GRM3: variants seen among roughly 807,000 people sequenced by gnomAD.
The protein encoded by GRM3 is metabotropic glutamate receptor 3.
Under a neutral mutation model 70.5 loss-of-function variants are expected in GRM3, and 26 were observed. The ratio of observed to expected loss-of-function variants is 0.37; its 90% CI spans 0.27 to 0.51. GRM3 has a LOEUF of 0.51. GRM3 is among the 20% of genes least tolerant of loss of function. The probability of loss-of-function intolerance (pLI) is 0.93; values close to 1 mark genes in which losing one functional copy is unlikely to be tolerated. For missense variants in GRM3, 859 were observed against 1,123.8 expected (o/e 0.76, Z 3.37); for synonymous variants, 443 against 434.9 (o/e 1.02, Z -0.23).
At chr7:86,752,752 C>A (rs1584215684) in intron 1 of GRM3, among the ~76,000 whole-genome samples, 1 of 152,176 alleles carries the variant, frequency 6.6e-6, no homozygotes, top group Non-Finnish European at 1.5e-5. Context: ...AAGTCAGAAA[C>A]AACTTGGACA....
Position 86,779,715 on chromosome 7 carries a change from G to A in GRM3, c.469-6546G>A, listed in dbSNP as rs148290443. ...TCATTCTGAAGTCAGGCATTAGAAC[G>A]GTTCCTTAGAGAAGAAGCCCTTGAA... On this transcript the variant is annotated intron_variant, in intron 2 of 5. Transcript: ENST00000361669. 4.3e-3 allele frequency among the ~76,000 whole-genome samples: 662 copies of A among 152,242 alleles called. 3 individuals are homozygous for A. Among genetic ancestry groups the A allele is most frequent in the Non-Finnish European group, 7.1e-3 (486 of 68,006 alleles).
intron 1 of GRM3, among the ~76,000 whole-genome samples, chr7:86,725,069 T>G (rs1424555060): frequency 6.6e-6 from 1 of 152,124 alleles, no homozygotes; most frequent in East Asian, 1.9e-4. Flanking sequence ...TACCAGGGGA[T>G]GTATGCATTG....
chr7:86,726,135 A>G (rs894681686), intron 1 of GRM3, among the ~76,000 whole-genome samples: 3 of 152,170 alleles, frequency 2.0e-5, no homozygotes, highest in Non-Finnish European at 2.9e-5. Flanking sequence ...TTGGTCCTCC[A>G]GAGGTCACTC....
intron 3 of GRM3, among the ~76,000 whole-genome samples, chr7:86,790,627 A>G (rs117071751): frequency 5.7e-4 from 87 of 151,942 alleles, no homozygotes; most frequent in Non-Finnish European, 1.1e-3. Context: ...CTCTGCCCCT[A>G]CCTATCCTGA....
chr7:86,761,955 T>A (rs1229931706), intron 1 of GRM3, among the ~76,000 whole-genome samples: 1 of 152,176 alleles, frequency 6.6e-6, no homozygotes, highest in Non-Finnish European at 1.5e-5. Flanking sequence ...AGCCAAACTT[T>A]CTTTACATTC....
Position 86,644,506 on chromosome 7 carries a change from C to T in GRM3, c.-507C>T, listed in dbSNP as rs1329089208. On this transcript the variant is annotated 5_prime_UTR_variant, in exon 1 of 6. Transcript: ENST00000361669. ...GGACTCGGCTGGGAAGAGCTCCCCTCCCCTCCGCGGAAGACCACTGGGTCC... is the reference window on the plus strand; with the variant it reads ...GGACTCGGCTGGGAAGAGCTCCCCTTCCCTCCGCGGAAGACCACTGGGTCC... 1 of 358,558 alleles carries T rather than the reference C, an allele frequency of 2.8e-6. No individual in the cohort carries two copies. Among genetic ancestry groups the T allele is most frequent in the Non-Finnish European group, 5.5e-6 (1 of 181,680 alleles). 22.2% of individuals were successfully genotyped at this position (358,558 alleles called of 1,614,324 possible).
rs756681263 is a variant in GRM3 at position 86,786,971 on chromosome 7, G to A, written c.1179G>A (p.Val393=). The A allele has an allele frequency of 3.1e-6, 5 of 1,614,126 alleles. No individual in the cohort carries two copies. Among genetic ancestry groups the A allele is most frequent in the South Asian group, 1.1e-5 (1 of 91,086 alleles). Residue 393 remains valine, a synonymous_variant, in exon 3 of 6, where the codon GTG becomes GTA. Coordinates refer to ENST00000361669, the MANE Select transcript of GRM3 (RefSeq NM_000840.3). The surrounding 1 kb of genome is among the most constrained non-coding windows in gnomAD (Gnocchi z 6.0). ...NYEQESKIMF[V]VNAVYAMAHA... is the part of the protein sequence containing the mutation. ...AGCAAGAGTCCAAGATCATGTTTGT[G>A]GTGAACGCGGTGTATGCCATGGCCC...
At position 86,650,351 on chromosome 7, in the gene GRM3, AATTT is replaced by A. The variant is rs542597686; in HGVS notation, c.-141+5492_-141+5495del. Among the ~76,000 whole-genome samples the A allele has an allele frequency of 6.8e-3, 1,037 of 152,078 alleles. 16 individuals carry two copies. Among genetic ancestry groups the A allele is most frequent in the African/African-American group, 0.023 (973 of 41,520 alleles). Reference sequence around the variant, plus strand: ...TACCAATATTGCCTCACAATTTTTTAATTTATTTATTTATTTTAATTAATTTATT... The same window carrying A: ...TACCAATATTGCCTCACAATTTTTTAATTTATTTATTTTAATTAATTTATT... On this transcript the variant is annotated intron_variant, in intron 1 of 5. Transcript: ENST00000361669.
At chr7:86,791,301 GA>G (rs1234867842) in intron 3 of GRM3, among the ~76,000 whole-genome samples, 4 of 152,138 alleles carry the variant, frequency 2.6e-5, no homozygotes, top group African/African-American at 9.7e-5. Context: ...TGATTGCTTT[GA>G]AAAAATTTTA....
chr7:86,728,450 A>G (rs556409233), intron 1 of GRM3, among the ~76,000 whole-genome samples: 93 of 152,354 alleles, frequency 6.1e-4, no homozygotes, highest in African/African-American at 2.2e-3. Context: ...GACTGTCTTA[A>G]GAACTTAGGA....
At chr7:86,829,720 A>T (rs1798313377) in intron 3 of GRM3, among the ~76,000 whole-genome samples, 1 of 152,180 alleles carries the variant, frequency 6.6e-6, no homozygotes, top group South Asian at 2.1e-4. Flanking sequence ...GCACCTGAAA[A>T]CATTTATAAT....
chr7:86,725,842 C>T (rs991092915), intron 1 of GRM3, among the ~76,000 whole-genome samples: 3 of 152,082 alleles, frequency 2.0e-5, no homozygotes, highest in Non-Finnish European at 4.4e-5. Context: ...TGGTTATGTC[C>T]TCACATGGCA....
chr7:86,857,918 TTTTTATTTTATTTTATTTTATTTTA>T (rs375923210), intron 5 of GRM3, among the ~76,000 whole-genome samples: 2,414 of 142,676 alleles, frequency 0.017, 52 homozygotes, highest in East Asian at 0.09. Context: ...AGAGAGTAAA[TTTTTATTTTATTTTATTTTATTTTA>T]TTTTATTTTA....
At chr7:86,797,238 C>T (rs1043768846) in intron 3 of GRM3, among the ~76,000 whole-genome samples, 2 of 152,110 alleles carry the variant, frequency 1.3e-5, no homozygotes, top group Non-Finnish European at 2.9e-5. Context: ...CAGAAGAAGA[C>T]AGGAAAATGT....
intron 1 of GRM3, among the ~76,000 whole-genome samples, chr7:86,728,439 T>C (rs1213701486): frequency 6.6e-6 from 1 of 152,232 alleles, no homozygotes; most frequent in African/African-American, 2.4e-5. Context: ...TTAAAAAGCT[T>C]GACTGTCTTA....
chr7:86,707,191 C>T (rs1216345642), intron 1 of GRM3, among the ~76,000 whole-genome samples: 2 of 151,988 alleles, frequency 1.3e-5, no homozygotes. Context: ...ATAGTCCTCC[C>T]CTCTCTATGA....
At chr7:86,793,964 T>C (rs1797487718) in intron 3 of GRM3, among the ~76,000 whole-genome samples, 1 of 152,138 alleles carries the variant, frequency 6.6e-6, no homozygotes, top group Non-Finnish European at 1.5e-5. Context: ...AAAATTACAG[T>C]AAAAATACTA....
At chr7:86,785,631 G>A (rs1734152368) in intron 2 of GRM3, among the ~76,000 whole-genome samples, 1 of 146,034 alleles carries the variant, frequency 6.8e-6, no homozygotes, top group Admixed American at 6.9e-5. Flanking sequence ...AAGATTTTCA[G>A]GAGTTTAGAA....
At chr7:86,820,679 A>G (rs755094664) in intron 3 of GRM3, among the ~76,000 whole-genome samples, 3 of 152,160 alleles carry the variant, frequency 2.0e-5, no homozygotes, top group African/African-American at 4.8e-5. Flanking sequence ...TCAGTCTCAT[A>G]TTAATCATTC....
Sources: gnomAD v4.1 joint callset for allele counts (sites outside exome capture counted in the v4.1 genomes callset) on GRCh38, gnomAD v4.1.1 for gene constraint, Gnocchi (gnomAD v3.1) non-coding constraint, MANE v1.5 for transcripts, NCBI Gene and HGNC (gene_info 2026-07-23, HGNC 2026-07-21) for gene names.